Variants in GSE1 observed in about 807,000 individuals in gnomAD.
GSE1 encodes genetic suppressor element 1.
Under a neutral mutation model 112.6 loss-of-function variants are expected in GSE1, and 32 were observed. That is an observed-to-expected ratio of 0.28 (90% CI 0.21 to 0.38). The LOEUF is 0.38. GSE1 is among the 10% of genes least tolerant of loss of function. The pLI is 1.00. For synonymous variants in GSE1, 1,115 were observed against 735.6 expected, an observed-to-expected ratio of 1.52 and a Z score of -8.35; for missense variants, 2,348 against 1,699.2, an observed-to-expected ratio of 1.38 and a Z score of -6.71.
intron 1 of GSE1, among the ~76,000 whole-genome samples, chr16:85,330,358 C>T (rs2046312024): frequency 6.6e-6 from 1 of 152,216 alleles, no homozygotes; most frequent in African/African-American, 2.4e-5. Flanking sequence ...ACGCAGGGGC[C>T]TGGAGAAGCT....
chr16:85,199,608 G>A (rs751154754), intron 1 of GSE1, among the ~76,000 whole-genome samples: 21 of 152,166 alleles, frequency 1.4e-4, no homozygotes, highest in Admixed American at 3.3e-4. Flanking sequence ...TGGGTAATGC[G>A]TAGTTTTTTC....
chr16:85,584,465 T>A (rs1300497560), intron 1 of GSE1, among the ~76,000 whole-genome samples: 1 of 152,248 alleles, frequency 6.6e-6, no homozygotes. Flanking sequence ...CTCCGGGTAC[T>A]GATCCATCAA....
intron 2 of GSE1, among the ~76,000 whole-genome samples, chr16:85,546,301 G>T (rs925419489): frequency 3.3e-5 from 5 of 152,226 alleles, no homozygotes; most frequent in African/African-American, 1.2e-4. Context: ...GGCCAGGCTG[G>T]TCTCGAACTT....
At chr16:85,634,952 C>CGG (rs140859446) in intron 2 of GSE1, among the ~76,000 whole-genome samples, 15 of 151,918 alleles carry the variant, frequency 9.9e-5, no homozygotes, top group Non-Finnish European at 1.6e-4. Context: ...TGCTGACAGG[C>CGG]GGGGGGGCTG....
At chr16:85,349,694 A>G (rs12924499) in intron 1 of GSE1, among the ~76,000 whole-genome samples, 41,317 of 152,094 alleles carry the variant, frequency 0.27, 6,388 homozygotes, top group Non-Finnish European at 0.36. Context: ...CCTCGGGGCG[A>G]AGAGGAGGCG....
In GSE1 at chr16:85,318,556, T is replaced by C. The variant is rs1380334034; in HGVS notation, c.2284-38907T>C. ...CTGGGATTACAAGCGTGAGCCACTG[T>C]GCCCAGCCTCCTCATCCATAAAATG... On this transcript the variant is annotated intron_variant, in intron 1 of 2. Coordinates refer to the GSE1 transcript ENST00000637419. Among the ~76,000 whole-genome samples the C allele has an allele frequency of 5.9e-5, 9 of 152,338 alleles. No individual in the cohort carries two copies. In the South Asian group the frequency reaches 1.7e-3, roughly 28 times the overall value.
intron 1 of GSE1, among the ~76,000 whole-genome samples, chr16:85,326,835 G>A (rs1228994144): frequency 1.3e-5 from 2 of 152,214 alleles, no homozygotes; most frequent in African/African-American, 2.4e-5. Context: ...GTGGGGTCCC[G>A]ATCAGTTTAA....
chr16:85,181,081 G>A (rs537571649), intron 1 of GSE1, among the ~76,000 whole-genome samples: 29 of 152,178 alleles, frequency 1.9e-4, no homozygotes, highest in Admixed American at 5.9e-4. Flanking sequence ...GGTGAATGCC[G>A]GGCCATGTGT....
At chr16:85,640,532 C>G (rs1056329957) in intron 2 of GSE1, among the ~76,000 whole-genome samples, 3 of 152,226 alleles carry the variant, frequency 2.0e-5, no homozygotes, top group African/African-American at 7.2e-5. Context: ...GGAGGCAGAT[C>G]CGGTTACTGT....
rs148935332 is a variant in GSE1 at position 85,544,225 on chromosome 16, G to A, written c.2465-89689G>A. Among the ~76,000 whole-genome samples, 395 of 152,290 alleles carry A rather than the reference G, an allele frequency of 2.6e-3. 2 individuals carry two copies. The highest frequency in any genetic ancestry group is 4.0e-3 in the Non-Finnish European group (275 of 68,026). The stretch of plus-strand genomic sequence containing the variant: ...TGTTGCTAAACATCCTGCAATGCAC[G>A]GGACAGTCCCCGCAGCGAAGAATCA... On this transcript the variant is annotated intron_variant, in intron 2 of 2. Coordinates refer to the GSE1 transcript ENST00000637419.
intron 1 of GSE1, among the ~76,000 whole-genome samples, chr16:85,253,664 C>T (rs1279978029): frequency 1.3e-5 from 2 of 152,206 alleles, no homozygotes; most frequent in African/African-American, 2.4e-5. Flanking sequence ...AAGGACATCC[C>T]GCCCAGCCTC....
At chr16:85,186,883 G>T (rs1379795899) in intron 1 of GSE1, among the ~76,000 whole-genome samples, 1 of 152,190 alleles carries the variant, frequency 6.6e-6, no homozygotes, top group African/African-American at 2.4e-5. Flanking sequence ...GCCATGTATC[G>T]ATTACAAGAC....
intron 1 of GSE1, among the ~76,000 whole-genome samples, chr16:85,562,759 A>T (rs930444991): frequency 1.3e-5 from 2 of 152,228 alleles, no homozygotes; most frequent in East Asian, 3.9e-4. Flanking sequence ...CCTCTCACCA[A>T]TGTCAAGTGT....
chr16:85,241,159 T>C (rs1357663696), intron 1 of GSE1, among the ~76,000 whole-genome samples: 10 of 102,134 alleles, frequency 9.8e-5, no homozygotes, highest in African/African-American at 3.0e-4. Context: ...CTGCGTGACC[T>C]TGGGCTCGGC....
chr16:85,180,581 C>T (rs2074562885), intron 1 of GSE1, among the ~76,000 whole-genome samples: 1 of 152,266 alleles, frequency 6.6e-6, no homozygotes, highest in Non-Finnish European at 1.5e-5. Context: ...ACGTGACTGT[C>T]TCACTGTCTT....
chr16:85,656,228 C>T (rs2051916966), intron 6 of GSE1, 115 bp from the exon 7 acceptor site: 1 of 1,307,652 alleles, frequency 7.6e-7, no homozygotes, highest in Non-Finnish European at 1.1e-6. Context: ...CACCTCCCGT[C>T]ACTGTTCAGA....
chr16:85,265,337 G>A (rs901177852), intron 1 of GSE1, among the ~76,000 whole-genome samples: 3 of 152,082 alleles, frequency 2.0e-5, no homozygotes, highest in Non-Finnish European at 2.9e-5. Flanking sequence ...GGCCACCTCC[G>A]CTGGGTGGAG....
At chr16:85,446,179 A>G (rs2049506727) in intron 2 of GSE1, among the ~76,000 whole-genome samples, 1 of 152,140 alleles carries the variant, frequency 6.6e-6, no homozygotes. Context: ...CAGCTCTGCG[A>G]CGTCGGGGCC....
At chr16:85,266,902 C>T (rs1265560550) in intron 1 of GSE1, among the ~76,000 whole-genome samples, 1 of 152,132 alleles carries the variant, frequency 6.6e-6, no homozygotes, top group Non-Finnish European at 1.5e-5. Context: ...CTCCTGCCCT[C>T]TCCCCCTTGG....
Sources: allele counts gnomAD v4.1 joint callset (sites outside exome capture counted in the v4.1 genomes callset), GRCh38; gene constraint gnomAD v4.1.1; transcripts MANE v1.5; gene names NCBI Gene and HGNC (gene_info 2026-07-23, HGNC 2026-07-21).